MACROH2A1: variants seen among roughly 807,000 people sequenced by gnomAD.
The protein encoded by MACROH2A1 is core histone macro-H2A.1.
A neutral mutation model predicts 31.6 loss-of-function variants in MACROH2A1; 2 were observed. The observed-to-expected ratio is 0.06, with a 90% CI of 0.03 to 0.20. MACROH2A1 has a LOEUF of 0.20. MACROH2A1 is among the 10% of genes least tolerant of loss of function. MACROH2A1 has a pLI of 1.00. For synonymous variants in MACROH2A1, 169 were observed against 189.6 expected (o/e 0.89, Z 0.89); for missense variants, 230 against 474.0 (o/e 0.49, Z 4.78).
At chr5:135,362,805 C>A (rs893376903) in intron 4 of MACROH2A1, 1 of 151,894 alleles carries the variant, frequency 6.6e-6, no homozygotes, top group Non-Finnish European at 1.5e-5. Flanking sequence ...AACACTTTTT[C>A]AAAATTGAAA....
chr5:135,397,739 G>A (rs1768219865), intron 1 of MACROH2A1, among the ~76,000 whole-genome samples: 1 of 152,216 alleles, frequency 6.6e-6, no homozygotes, highest in Admixed American at 6.5e-5. Context: ...TTGCAGGCAA[G>A]AGGTGTCCAT....
rs1032340323 is a variant in MACROH2A1 at position 135,360,724 on chromosome 5, C to T, written c.478-117G>A. 2.0e-5 allele frequency: 15 copies of T among 759,448 alleles called. No homozygotes were observed. The Middle Eastern group carries it at 8.9e-4, about 45-fold the overall frequency. 47.0% of individuals were successfully genotyped at this position (759,448 alleles called of 1,614,324 possible). ...GGGGAAACAGGAAACTAAACCACAA[C>T]CAGTTCTCAGCGTTTCTCCAAGGGG... On this transcript the variant is annotated intron_variant, in intron 4 of 8. Coordinates refer to ENST00000511689, the MANE Select transcript of MACROH2A1 (RefSeq NM_138610.3).
At chr5:135,335,293 G>A in intron 8 of MACROH2A1, 152 bp from the exon 9 acceptor site, 1 of 619,776 alleles carries the variant, frequency 1.6e-6, no homozygotes, top group Non-Finnish European at 2.9e-6. Context: ...CGCCAGTGTG[G>A]GAAAGCCCAG....
intron 5 of MACROH2A1, chr5:135,358,051 T>G: frequency 5.1e-6 from 5 of 982,068 alleles, no homozygotes; most frequent in Non-Finnish European, 6.0e-6. Flanking sequence ...GTACCCCTTT[T>G]GAAACATTTC....
intron 2 of MACROH2A1, among the ~76,000 whole-genome samples, chr5:135,379,961 T>C (rs1765433320): frequency 6.6e-6 from 1 of 152,198 alleles, no homozygotes; most frequent in African/African-American, 2.4e-5. Context: ...CCCTACTGTT[T>C]GCCAGCAACA....
At chr5:135,386,710 C>T (rs1766455465) in intron 2 of MACROH2A1, among the ~76,000 whole-genome samples, 1 of 152,214 alleles carries the variant, frequency 6.6e-6, no homozygotes, top group South Asian at 2.1e-4. Context: ...GGCTCAGATT[C>T]AGAACCAGCT....
chr5:135,343,619 C>A, intron 7 of MACROH2A1, 185 bp from the exon 8 acceptor site: 1 of 920,510 alleles, frequency 1.1e-6, no homozygotes, highest in Non-Finnish European at 1.6e-6. Context: ...CAAGCCACAC[C>A]CTTGGAAAGT....
At chr5:135,388,881 T>A (rs1246228386) in intron 2 of MACROH2A1, 41 bp downstream of exon 2, 25 of 1,514,650 alleles carry the variant, frequency 1.7e-5, no homozygotes, top group Non-Finnish European at 2.1e-5. Context: ...AACTTCTGCA[T>A]CTTAAGCCAG....
intron 2 of MACROH2A1, among the ~76,000 whole-genome samples, chr5:135,371,309 T>C (rs1390509926): frequency 2.0e-5 from 3 of 152,258 alleles, no homozygotes; most frequent in Non-Finnish European, 2.9e-5. Flanking sequence ...CAATCATGTA[T>C]ATTTAAAAAT....
intron 8 of MACROH2A1, among the ~76,000 whole-genome samples, chr5:135,337,272 A>C (rs1406773358): frequency 2.0e-5 from 3 of 152,288 alleles, no homozygotes; most frequent in Admixed American, 1.3e-4. Flanking sequence ...GCCGGGCTGC[A>C]TGCCCAGGCA....
chr5:135,387,456 G>A (rs1470011989), intron 2 of MACROH2A1, among the ~76,000 whole-genome samples: 1 of 152,218 alleles, frequency 6.6e-6, no homozygotes, highest in Admixed American at 6.5e-5. Flanking sequence ...AGTGCAGGAA[G>A]CAACCCAGCC....
At chr5:135,350,074 TC>T (rs145935962) in intron 6 of MACROH2A1, among the ~76,000 whole-genome samples, 3 of 152,298 alleles carry the variant, frequency 2.0e-5, no homozygotes, top group African/African-American at 7.2e-5. Context: ...TATTTGATAC[TC>T]CTGCCAGGAA....
intron 1 of MACROH2A1, among the ~76,000 whole-genome samples, chr5:135,395,896 G>GAT (rs1279411671): frequency 6.6e-6 from 1 of 152,234 alleles, no homozygotes; most frequent in Non-Finnish European, 1.5e-5. Context: ...GACCAACTGA[G>GAT]ATAGTAAATA....
At chr5:135,352,595 C>A (rs1217774863) in intron 6 of MACROH2A1, among the ~76,000 whole-genome samples, 1 of 152,128 alleles carries the variant, frequency 6.6e-6, no homozygotes, top group Non-Finnish European at 1.5e-5. Flanking sequence ...TTTGTAGTTA[C>A]CTGAGATTTT....
intron 8 of MACROH2A1, chr5:135,337,818 C>A: frequency 2.8e-6 from 1 of 357,382 alleles, no homozygotes; most frequent in Non-Finnish European, 4.0e-6. Flanking sequence ...GCAGACGGTT[C>A]CACCGGAATG....
At chr5:135,354,949 A>C in intron 5 of MACROH2A1, 1 of 401,666 alleles carries the variant, frequency 2.5e-6, no homozygotes, top group South Asian at 1.9e-5. Context: ...TACTCAGTGT[A>C]ATGTGGATGT....
intron 7 of MACROH2A1, chr5:135,345,435 C>T (rs1418235787): frequency 6.4e-6 from 1 of 155,632 alleles, no homozygotes; most frequent in Admixed American, 6.3e-5. Context: ...TCCTGCACAC[C>T]CCAAATGACC....
rs1340306720 is a variant in MACROH2A1, at chr5:135,369,908, G to A, written c.279+128C>T. On this transcript the variant is annotated intron_variant, in intron 3 of 8. Coordinates refer to ENST00000511689, the MANE Select transcript of MACROH2A1 (RefSeq NM_138610.3). This position sits in a 1 kb window ranked among gnomAD's most constrained non-coding sequence, Gnocchi z 4.3. Reference sequence around the variant, plus strand: ...AAAAACTGCCATGGGAGGCAGAGAAGCTGCTAATTAATCCAAAAGGCAGTC... The same window carrying A: ...AAAAACTGCCATGGGAGGCAGAGAAACTGCTAATTAATCCAAAAGGCAGTC... 4.6e-6 allele frequency: 3 copies of A among 650,234 alleles called. No homozygotes were observed. The highest frequency in any genetic ancestry group is 8.0e-6 in the Non-Finnish European group (3 of 373,212). 40.3% of individuals were successfully genotyped at this position (650,234 alleles called of 1,614,324 possible).
chr5:135,378,960 G>C lies in MACROH2A1; in HGVS notation c.173-8818C>G, dbSNP rs116053490. Among the ~76,000 whole-genome samples, 670 of 152,238 alleles carry C rather than the reference G, an allele frequency of 4.4e-3. 6 individuals carry two copies. Among genetic ancestry groups the C allele is most frequent in the African/African-American group, 0.016 (648 of 41,526 alleles). On this transcript the variant is annotated intron_variant, in intron 2 of 8. Transcript: ENST00000511689. ...AGAAAAACAATGCTACTCAAGTTAA[G>C]TACCCTCATTTTCTGAATGAACAGC...
Sources: gnomAD v4.1 joint callset for allele counts (sites outside exome capture counted in the v4.1 genomes callset) on GRCh38, gnomAD v4.1.1 for gene constraint, Gnocchi (gnomAD v3.1) non-coding constraint, MANE v1.5 for transcripts, NCBI Gene and HGNC (gene_info 2026-07-23, HGNC 2026-07-21) for gene names.